Variants in SOCS5 observed in about 807,000 individuals in gnomAD.
SOCS5 encodes suppressor of cytokine signaling 5.
Under a neutral mutation model 42.8 loss-of-function variants are expected in SOCS5, and 32 were observed. That is an observed-to-expected ratio of 0.75 (90% confidence interval 0.56 to 1.01). SOCS5 has a LOEUF of 1.01. Ranked by LOEUF, SOCS5 falls within the 50% of genes least tolerant of loss-of-function variation. SOCS5 has a pLI of 0.00. For missense variants in SOCS5, 627 were observed against 653.0 expected (o/e 0.96, Z 0.43); for synonymous variants, 283 against 229.6 (o/e 1.23, Z -2.10).
chr2:46,727,645 TC>T (rs1673027462), intron 1 of SOCS5, among the ~76,000 whole-genome samples: 2 of 152,116 alleles, frequency 1.3e-5, no homozygotes, highest in Non-Finnish European at 2.9e-5. Flanking sequence ...CTGATACTGT[TC>T]CAGTCAGTTC....
At chr2:46,716,712 G>A (rs921595303) in intron 1 of SOCS5, among the ~76,000 whole-genome samples, 2 of 152,136 alleles carry the variant, frequency 1.3e-5, no homozygotes, top group African/African-American at 4.8e-5. Flanking sequence ...CTTCTATCAA[G>A]CAGTCCTTCT....
intron 1 of SOCS5, among the ~76,000 whole-genome samples, chr2:46,755,328 T>C (rs1233275452): frequency 6.6e-6 from 1 of 152,166 alleles, no homozygotes; most frequent in Non-Finnish European, 1.5e-5. Flanking sequence ...ATTTCAATTA[T>C]TTTGTTTTGT....
chr2:46,733,258 C>A (rs913540009), intron 1 of SOCS5, among the ~76,000 whole-genome samples: 1 of 152,014 alleles, frequency 6.6e-6, no homozygotes, highest in Non-Finnish European at 1.5e-5. Context: ...CTATGCCCAG[C>A]TAAGTTTTAT....
intron 1 of SOCS5, among the ~76,000 whole-genome samples, chr2:46,751,269 C>T (rs1285410694): frequency 6.6e-6 from 1 of 151,988 alleles, no homozygotes; most frequent in East Asian, 1.9e-4. Flanking sequence ...TTTCAAGATT[C>T]AGCTTTTTTC....
In SOCS5 at chr2:46,759,087, G is replaced by C; in HGVS notation, c.557G>C (p.Gly186Ala). The C allele has an allele frequency of 1.2e-6, 2 of 1,613,958 alleles. No homozygotes were observed. The highest frequency in any genetic ancestry group is 2.7e-5 in the African/African-American group (2 of 75,056). The change falls in exon 2 of 2, where the codon GGC (glycine) becomes GCC (alanine). Residue 186 changes from glycine to alanine, a missense_variant. This residue lies in a region of SOCS5 where 278 missense variants were observed against 246.3 expected (regional missense o/e 1.13). Coordinates refer to ENST00000394861, the MANE Select transcript of SOCS5 (RefSeq NM_144949.3). ...SLRQRLQDTV[G>A]LCFPMRTYSK... ...AGACAGAGGTTGCAGGATACTGTGG[G>C]CTTGTGTTTTCCCATGAGAACTTAC...
intron 1 of SOCS5, among the ~76,000 whole-genome samples, chr2:46,748,283 T>C (rs1348169030): frequency 1.3e-5 from 2 of 151,806 alleles, no homozygotes; most frequent in Admixed American, 6.6e-5. Flanking sequence ...CCTCCCAGGT[T>C]CCAGCAATCC....
rs1018322790 is a variant in SOCS5 at position 46,762,727 on chromosome 2, G to C, written c.*2586G>C. The C allele has an allele frequency of 9.0e-5, 15 of 166,240 alleles. No homozygotes were observed. Among genetic ancestry groups the C allele is most frequent in the African/African-American group, 3.6e-4 (15 of 41,540 alleles). 10.3% of individuals were successfully genotyped at this position (166,240 alleles called of 1,614,324 possible). A position where few individuals can be genotyped will look rare whatever the true frequency, so the allele number is the denominator to read the frequency against. ...CCATTGTAGCCTGTCAACTAAATTT[G>C]AGTGTTAACGGTCTTTTTAAAGTGC... On this transcript the variant is annotated 3_prime_UTR_variant, in exon 2 of 2. Transcript: ENST00000394861.
At position 46,746,922 on chromosome 2, in the gene SOCS5, C is replaced by CTTTTTTTTTTT. The variant is rs11373537; in HGVS notation, c.-12-11586_-12-11576dup. ...TTTTCCAATTTGCATGACTTTATTT[C>CTTTTTTTTTTT]TTTTTTTTTTTTTTTTTTTTTGCCT... is the stretch of plus-strand genomic sequence containing the variant. On this transcript the variant is annotated intron_variant, in intron 1 of 1. Transcript: ENST00000394861. Among the ~76,000 whole-genome samples the CTTTTTTTTTTT allele has an allele frequency of 5.0e-3, 355 of 70,772 alleles. 2 individuals carry two copies. Among genetic ancestry groups the CTTTTTTTTTTT allele is most frequent in the Non-Finnish European group, 6.9e-3 (245 of 35,370 alleles). 46.4% of individuals were successfully genotyped at this position (70,772 alleles called of 152,430 possible). A position where few individuals can be genotyped will look rare whatever the true frequency, so the allele number is the denominator to read the frequency against.
At chr2:46,750,202 G>C (rs1033080261) in intron 1 of SOCS5, among the ~76,000 whole-genome samples, 1 of 152,050 alleles carries the variant, frequency 6.6e-6, no homozygotes, top group Non-Finnish European at 1.5e-5. Context: ...TTTCATTCTG[G>C]TGCCCTAAGC....
At chr2:46,732,190 A>G (rs922515607) in intron 1 of SOCS5, among the ~76,000 whole-genome samples, 1 of 152,254 alleles carries the variant, frequency 6.6e-6, no homozygotes, top group East Asian at 1.9e-4. Context: ...TAACCAGCAC[A>G]TTGAAACAAA....
intron 1 of SOCS5, among the ~76,000 whole-genome samples, chr2:46,735,916 T>C (rs1673234101): frequency 6.6e-6 from 1 of 152,144 alleles, no homozygotes; most frequent in Non-Finnish European, 1.5e-5. Flanking sequence ...AAAAGTAATA[T>C]GATTCTCTGT....
chr2:46,705,531 C>G (rs568749206), intron 1 of SOCS5, among the ~76,000 whole-genome samples: 1 of 147,242 alleles, frequency 6.8e-6, no homozygotes, highest in South Asian at 2.1e-4. Flanking sequence ...TCCTAGATTA[C>G]CAGACAGGAA....
intron 1 of SOCS5, among the ~76,000 whole-genome samples, chr2:46,709,877 A>G (rs1337630803): frequency 2.6e-5 from 4 of 152,206 alleles, no homozygotes; most frequent in East Asian, 1.9e-4. Context: ...AATCCCTTGT[A>G]TCTTTTTGTT....
At chr2:46,712,817 T>G (rs1672657687) in intron 1 of SOCS5, among the ~76,000 whole-genome samples, 1 of 152,104 alleles carries the variant, frequency 6.6e-6, no homozygotes, top group African/African-American at 2.4e-5. Flanking sequence ...TTGTTTTTGC[T>G]TTTTGTTTTG....
At chr2:46,730,294 G>T (rs541417304) in intron 1 of SOCS5, among the ~76,000 whole-genome samples, 1 of 152,200 alleles carries the variant, frequency 6.6e-6, no homozygotes, top group African/African-American at 2.4e-5. Flanking sequence ...AAACTTTTGA[G>T]ATTGGCTTAG....
rs542752114 is a variant in SOCS5 at position 46,746,165 on chromosome 2, A to C, written c.-12-12354A>C. ...TTTAGGCATCTGATTCATCCATGCA[A>C]ATGATGAAGACTGAACCTGTTAGGG... On this transcript the variant is annotated intron_variant, in intron 1 of 1. Coordinates refer to ENST00000394861, the MANE Select transcript of SOCS5 (RefSeq NM_144949.3). Among the ~76,000 whole-genome samples the C allele has an allele frequency of 3.9e-5, 6 of 152,204 alleles. No individual in the cohort carries two copies. The South Asian group carries it at 8.3e-4, about 21-fold the overall frequency.
At chr2:46,746,002 C>A (rs1218514533) in intron 1 of SOCS5, among the ~76,000 whole-genome samples, 1 of 151,848 alleles carries the variant, frequency 6.6e-6, no homozygotes, top group Non-Finnish European at 1.5e-5. Flanking sequence ...ACTTTTTCTT[C>A]CCAGTTTTTA....
chr2:46,709,585 T>C (rs1374121008), intron 1 of SOCS5, among the ~76,000 whole-genome samples: 1 of 152,070 alleles, frequency 6.6e-6, no homozygotes, highest in Non-Finnish European at 1.5e-5. Context: ...AAGAAAGTAA[T>C]AGAACATTAA....
chr2:46,716,826 T>A (rs1476749243), intron 1 of SOCS5, among the ~76,000 whole-genome samples: 1 of 152,190 alleles, frequency 6.6e-6, no homozygotes, highest in East Asian at 1.9e-4. Flanking sequence ...GGGTTTTTTG[T>A]TTGGGGAATT....
Sources: gnomAD v4.1 joint callset for allele counts (sites outside exome capture counted in the v4.1 genomes callset) on GRCh38, gnomAD v4.1.1 for gene constraint, gnomAD v4.1.1 regional missense constraint, MANE v1.5 for transcripts, NCBI Gene and HGNC (gene_info 2026-07-23, HGNC 2026-07-21) for gene names.